Variants in B4GALNT3 observed in about 807,000 individuals in gnomAD.
B4GALNT3 encodes the protein beta-1,4-N-acetyl-galactosaminyltransferase 3, also known as beta-1,4-N-acetylgalactosaminyltransferase 3.
Under a neutral mutation model 120.2 loss-of-function variants are expected in B4GALNT3, and 86 were observed. That is an observed-to-expected ratio of 0.72 (90% CI 0.60 to 0.86). The LOEUF (loss-of-function observed/expected upper bound fraction) is 0.86, where lower values mean the gene tolerates loss of function less well. Ranked by LOEUF, B4GALNT3 falls within the 40% of genes least tolerant of loss-of-function variation. B4GALNT3 has a pLI of 0.00. For missense variants in B4GALNT3, 1,167 were observed against 1,298.9 expected, an observed-to-expected ratio of 0.90 and a Z score of 1.56; for synonymous variants, 518 against 510.4, an observed-to-expected ratio of 1.01 and a Z score of -0.20.
chr12:475,788 C>A (rs951574778), intron 1 of B4GALNT3, among the ~76,000 whole-genome samples: 1 of 152,114 alleles, frequency 6.6e-6, no homozygotes, highest in Non-Finnish European at 1.5e-5. Context: ...GTTGGTCTTG[C>A]GTGTCCCAGC....
At chr12:493,810 AATAG>A (rs931932645) in intron 1 of B4GALNT3, among the ~76,000 whole-genome samples, 1 of 152,182 alleles carries the variant, frequency 6.6e-6, no homozygotes, top group Non-Finnish European at 1.5e-5. Context: ...GAAAAGTAAC[AATAG>A]ATAGAGGTAG....
intron 1 of B4GALNT3, among the ~76,000 whole-genome samples, chr12:497,950 G>A (rs1946403586): frequency 6.6e-6 from 1 of 152,076 alleles, no homozygotes; most frequent in Non-Finnish European, 1.5e-5. Flanking sequence ...TCCTGGGTAT[G>A]ACACACACTC....
intron 3 of B4GALNT3, chr12:543,100 G>A (rs1946938008): frequency 7.8e-7 from 1 of 1,288,474 alleles, no homozygotes; most frequent in Non-Finnish European, 1.0e-6. Context: ...ATGAACACCA[G>A]CCCCCTTCCT....
intron 17 of B4GALNT3, 113 bp downstream of exon 17, chr12:558,201 A>G: frequency 8.5e-7 from 1 of 1,171,370 alleles, no homozygotes; most frequent in Admixed American, 2.0e-5. Context: ...GAATGAGGAC[A>G]CAGGAGGTCC....
At chr12:543,209 C>G (rs1409838809) in intron 3 of B4GALNT3, 1 of 1,288,832 alleles carries the variant, frequency 7.8e-7, no homozygotes. Context: ...GCACCAGGTT[C>G]CTGAAAGAAG....
At chr12:549,937 G>C (rs558955915) in intron 10 of B4GALNT3, 25 bp downstream of exon 10, 2 of 1,586,396 alleles carry the variant, frequency 1.3e-6, no homozygotes, top group South Asian at 1.1e-5. Flanking sequence ...AGCGCTTGGC[G>C]TCCTTTCTGG....
chr12:507,260 G>A (rs1946506833), intron 1 of B4GALNT3, among the ~76,000 whole-genome samples: 1 of 152,112 alleles, frequency 6.6e-6, no homozygotes, highest in African/African-American at 2.4e-5. Flanking sequence ...GATATATATG[G>A]CAACCTTTTT....
chr12:551,359 C>A (rs1248795268), intron 11 of B4GALNT3, among the ~76,000 whole-genome samples: 1 of 152,228 alleles, frequency 6.6e-6, no homozygotes, highest in Non-Finnish European at 1.5e-5. Flanking sequence ...CCCTACCCTG[C>A]CTGGTCAGTC....
At chr12:552,001 C>A in intron 11 of B4GALNT3, 62 bp from the exon 12 acceptor site, 1 of 1,316,774 alleles carries the variant, frequency 7.6e-7, no homozygotes. Context: ...TTAACCCTGG[C>A]TGGCTGATTT....
intron 6 of B4GALNT3, among the ~76,000 whole-genome samples, chr12:546,228 A>T (rs552041588): frequency 4.6e-5 from 1 of 21,832 alleles, no homozygotes; most frequent in South Asian, 1.9e-3. Context: ...GTGTGGGAGG[A>T]GGGGAGTGGG....
At chr12:475,620 C>T (rs1193042400) in intron 1 of B4GALNT3, among the ~76,000 whole-genome samples, 1 of 152,124 alleles carries the variant, frequency 6.6e-6, no homozygotes, top group East Asian at 1.9e-4. Flanking sequence ...GCTTGTCTTT[C>T]AAAACTCTGC....
intron 1 of B4GALNT3, among the ~76,000 whole-genome samples, chr12:463,956 C>A (rs190186941): frequency 5.3e-5 from 8 of 152,298 alleles, no homozygotes. Flanking sequence ...TTTTAGAATA[C>A]GGCAGCATTG....
intron 5 of B4GALNT3, 68 bp from the exon 6 acceptor site, chr12:545,301 A>T: frequency 2.6e-6 from 4 of 1,542,952 alleles, no homozygotes; most frequent in Middle Eastern, 1.7e-4. Flanking sequence ...TAAGACACTC[A>T]CAAAAGCCTC....
At chr12:462,622 G>T (rs561678577) in intron 1 of B4GALNT3, among the ~76,000 whole-genome samples, 58 of 152,014 alleles carry the variant, frequency 3.8e-4, no homozygotes, top group African/African-American at 1.4e-3. Flanking sequence ...CCTTACTCAT[G>T]GTTTTTAACA....
intron 1 of B4GALNT3, among the ~76,000 whole-genome samples, chr12:492,189 CTG>C (rs1420722342): frequency 6.6e-6 from 1 of 152,050 alleles, no homozygotes; most frequent in Non-Finnish European, 1.5e-5. Context: ...AGAAATAAAA[CTG>C]TTCACAGATG....
At chr12:545,541 T>C in intron 6 of B4GALNT3, 72 bp downstream of exon 6, 1 of 1,404,176 alleles carries the variant, frequency 7.1e-7, no homozygotes, top group Non-Finnish European at 9.8e-7. Context: ...CAGCAGCTGC[T>C]CATTACTGTT....
intron 1 of B4GALNT3, among the ~76,000 whole-genome samples, chr12:501,559 C>G (rs1019812688): frequency 7.2e-5 from 11 of 151,918 alleles, no homozygotes; most frequent in Admixed American, 7.2e-4. Flanking sequence ...CCAGCCTGGG[C>G]AATAGAGTGA....
chr12:503,152 G>A (rs948180445), intron 1 of B4GALNT3, among the ~76,000 whole-genome samples: 15 of 152,172 alleles, frequency 9.9e-5, no homozygotes, highest in African/African-American at 2.9e-4. Context: ...GCTGCTGGCT[G>A]ATGTTTTCTA....
intron 1 of B4GALNT3, among the ~76,000 whole-genome samples, chr12:476,119 A>G (rs137895464): frequency 1.2e-3 from 176 of 152,298 alleles, no homozygotes; most frequent in African/African-American, 4.1e-3. Context: ...TCTTGTCCTT[A>G]GTCAGCTGCG....
Sources: allele counts gnomAD v4.1 joint callset (sites outside exome capture counted in the v4.1 genomes callset), GRCh38; gene constraint gnomAD v4.1.1; transcripts MANE v1.5; gene names NCBI Gene and HGNC (gene_info 2026-07-23, HGNC 2026-07-21).